The following FRMPD4 variants were observed in gnomAD, a reference collection of about 807,000 sequenced individuals.
FRMPD4 encodes the protein FERM and PDZ domain-containing protein 4.
In FRMPD4, 22 loss-of-function variants were observed where a neutral mutation model predicts 94.1. The ratio of observed to expected loss-of-function variants is 0.23; its 90% CI spans 0.17 to 0.33. FRMPD4 has a LOEUF of 0.33. Ranked by LOEUF, FRMPD4 falls within the 10% of genes least tolerant of loss-of-function variation. FRMPD4 has a pLI of 1.00. For synonymous variants in FRMPD4, 631 were observed against 548.6 expected (o/e 1.15, Z -2.10); for missense variants, 1,111 against 1,339.9 (o/e 0.83, Z 2.67).
chrX:12,696,586 CAAAA>C (rs57877846), intron 9 of FRMPD4, among the ~76,000 whole-genome samples: 4 of 30,059 alleles, frequency 1.3e-4, no homozygotes, highest in African/African-American at 4.2e-4. Flanking sequence ...AAAAATGAAG[CAAAA>C]AAAAAAAAAA....
At chrX:12,637,891 T>C (rs2059457374) in intron 4 of FRMPD4, among the ~76,000 whole-genome samples, 1 of 112,357 alleles carries the variant, frequency 8.9e-6, no homozygotes. Flanking sequence ...GAAATTGCTT[T>C]TTAGAATTTA....
chrX:12,691,171 T>C (rs73432863), intron 8 of FRMPD4, among the ~76,000 whole-genome samples: 2,277 of 112,380 alleles, frequency 0.02, 48 homozygotes, highest in African/African-American at 0.063. Flanking sequence ...CAACTTTTTG[T>C]AATAGATTAG....
At chrX:12,436,843 C>T (rs1282718366) in intron 1 of FRMPD4, among the ~76,000 whole-genome samples, 6 of 111,087 alleles carry the variant, frequency 5.4e-5, no homozygotes, top group African/African-American at 1.6e-4. Flanking sequence ...ATTTCTTCAT[C>T]GGTTTACTTA....
At chrX:12,410,053 G>A (rs1462336216) in intron 1 of FRMPD4, among the ~76,000 whole-genome samples, 1 of 111,278 alleles carries the variant, frequency 9.0e-6, no homozygotes, top group African/African-American at 3.3e-5. Flanking sequence ...GTGCTGATTT[G>A]AACTTCCAAT....
chrX:11,957,676 G>C (rs1172989554), intron 3 of FRMPD4, among the ~76,000 whole-genome samples: 1 of 112,284 alleles, frequency 8.9e-6, no homozygotes, highest in Non-Finnish European at 1.9e-5. Context: ...ACTGCTGCCA[G>C]ACAGATTTTA....
At chrX:11,984,908 G>A (rs2054419511) in intron 3 of FRMPD4, among the ~76,000 whole-genome samples, 1 of 112,236 alleles carries the variant, frequency 8.9e-6, no homozygotes, top group South Asian at 3.7e-4. Context: ...CAAGGAAGAT[G>A]TACAAATGAC....
intron 2 of FRMPD4, among the ~76,000 whole-genome samples, chrX:11,868,915 C>G (rs1238620267): frequency 8.9e-6 from 1 of 112,384 alleles, no homozygotes; most frequent in Non-Finnish European, 1.9e-5. Context: ...GACTATATGG[C>G]CCACAAAACC....
chrX:12,561,058 C>T (rs143303054), intron 2 of FRMPD4, among the ~76,000 whole-genome samples: 1,578 of 110,176 alleles, frequency 0.014, 9 homozygotes, highest in Middle Eastern at 0.028. Flanking sequence ...CGTGAGCCAC[C>T]GCGCCCGGCC....
At chrX:12,262,099 A>T (rs1352452739) in intron 1 of FRMPD4, among the ~76,000 whole-genome samples, 1 of 111,352 alleles carries the variant, frequency 9.0e-6, no homozygotes, top group Non-Finnish European at 1.9e-5. Flanking sequence ...CCCACTGACC[A>T]AATCTTGTCC....
At chrX:12,555,981 A>C (rs1311327427) in intron 2 of FRMPD4, among the ~76,000 whole-genome samples, 1 of 110,643 alleles carries the variant, frequency 9.0e-6, no homozygotes, top group African/African-American at 3.3e-5. Context: ...CAAAGATGCG[A>C]TCATAGCTAA....
chrX:12,537,644 G>T (rs1345615956), intron 2 of FRMPD4, among the ~76,000 whole-genome samples: 1 of 107,389 alleles, frequency 9.3e-6, no homozygotes, highest in Non-Finnish European at 1.9e-5. Context: ...TAGAGACTGG[G>T]TATCACCATG....
intron 4 of FRMPD4, among the ~76,000 whole-genome samples, chrX:12,644,802 A>G (rs2059532785): frequency 8.9e-6 from 1 of 111,818 alleles, no homozygotes. Flanking sequence ...ACTCACATTT[A>G]ATCAGTTTCT....
chrX:12,683,289 A>T (rs893480118), intron 5 of FRMPD4, among the ~76,000 whole-genome samples, 194 bp from the exon 6 acceptor site: 3 of 111,909 alleles, frequency 2.7e-5, no homozygotes, highest in Admixed American at 1.9e-4. Flanking sequence ...TCTGGCCACT[A>T]AATCAAACTT....
At chrX:12,172,105 A>G (rs748640143) in intron 1 of FRMPD4, among the ~76,000 whole-genome samples, 1 of 111,510 alleles carries the variant, frequency 9.0e-6, no homozygotes, top group African/African-American at 3.3e-5. Flanking sequence ...AGGGTTAGTT[A>G]TATCTTAACC....
At chrX:12,488,561 A>G (rs1423444568) in intron 1 of FRMPD4, among the ~76,000 whole-genome samples, 1 of 111,762 alleles carries the variant, frequency 8.9e-6, no homozygotes, top group African/African-American at 3.2e-5. Context: ...CTCCCCATAA[A>G]TATGCAGGTA....
chrX:12,648,084 C>T (rs1245018911), intron 4 of FRMPD4, among the ~76,000 whole-genome samples: 1 of 111,684 alleles, frequency 9.0e-6, no homozygotes, highest in Non-Finnish European at 1.9e-5. Flanking sequence ...ACATCCCCAA[C>T]CTTTTTGACA....
intron 1 of FRMPD4, among the ~76,000 whole-genome samples, chrX:12,414,089 G>C (rs971034871): frequency 8.9e-6 from 1 of 112,555 alleles, no homozygotes; most frequent in African/African-American, 3.2e-5. Flanking sequence ...CTAAATGAAA[G>C]GAATTTAAAT....
At chrX:12,300,558 G>C (rs936366026) in intron 1 of FRMPD4, among the ~76,000 whole-genome samples, 1 of 112,327 alleles carries the variant, frequency 8.9e-6, no homozygotes, top group African/African-American at 3.2e-5. Context: ...TTTCTTTCAG[G>C]ATTTCTAATC....
rs371295955 is a variant in FRMPD4 at position 12,718,349 on chromosome X, G to A, written c.3523G>A (p.Asp1175Asn). Reference sequence around the variant, plus strand: ...AGAGGACGCTGACTCGTCCACCTGCGACCATCCTTCCAAGCTTCCTGAGGC... The same window carrying A: ...AGAGGACGCTGACTCGTCCACCTGCAACCATCCTTCCAAGCTTCCTGAGGC... ...NPEDADSSTC[D>N]HPSKLPEADE... The change falls in exon 16 of 17, where the codon GAC (aspartate) becomes AAC (asparagine). Residue 1175 changes from aspartate (D) to asparagine (N), a missense_variant. Physicochemically the swap from Asp to Asn is conservative, Grantham distance 23. Around this residue, in one of 8 missense-constraint regions of FRMPD4, gnomAD observed 551 missense variants for 591.6 expected, o/e 0.93. Transcript: ENST00000675598. 127 of 1,210,190 alleles carry A rather than the reference G, an allele frequency of 1.0e-4. No homozygotes were observed. Among genetic ancestry groups the A allele is most frequent in the Non-Finnish European group, 1.3e-4 (118 of 895,113 alleles).
Sources: gnomAD v4.1 joint callset for allele counts (sites outside exome capture counted in the v4.1 genomes callset) on GRCh38, gnomAD v4.1.1 for gene constraint, gnomAD v4.1.1 regional missense constraint, MANE v1.5 for transcripts, NCBI Gene and HGNC (gene_info 2026-07-23, HGNC 2026-07-21) for gene names.